Variants in RAPGEF5 observed in about 807,000 individuals in gnomAD.
RAPGEF5 encodes the protein M-Ras-regulated GEF.
Under a neutral mutation model 125.2 loss-of-function variants are expected in RAPGEF5, and 65 were observed. The observed-to-expected ratio is 0.52, with a 90% CI of 0.43 to 0.64. RAPGEF5 has a LOEUF of 0.64. Ranked by LOEUF, RAPGEF5 falls within the 30% of genes least tolerant of loss-of-function variation. The pLI is 0.00. For synonymous variants in RAPGEF5, 391 were observed against 385.9 expected, an observed-to-expected ratio of 1.01 and a Z score of -0.16; for missense variants, 958 against 1,048.1, an observed-to-expected ratio of 0.91 and a Z score of 1.19.
intron 19 of RAPGEF5, among the ~76,000 whole-genome samples, chr7:22,145,590 G>A (rs1033948385): frequency 6.6e-6 from 1 of 152,180 alleles, no homozygotes; most frequent in African/African-American, 2.4e-5. Flanking sequence ...TATTTGTTAA[G>A]GTGCACATCA....
intron 6 of RAPGEF5, among the ~76,000 whole-genome samples, chr7:22,276,682 T>C (rs1357917398): frequency 6.6e-6 from 1 of 152,222 alleles, no homozygotes; most frequent in African/African-American, 2.4e-5. Context: ...TCCAAAAGTC[T>C]AAAACAAGAG....
intron 11 of RAPGEF5, among the ~76,000 whole-genome samples, chr7:22,176,553 C>T (rs1784514932): frequency 6.6e-6 from 1 of 152,140 alleles, no homozygotes; most frequent in South Asian, 2.1e-4. Flanking sequence ...GAGATAGAGT[C>T]TTGCTCTGTC....
At chr7:22,130,960 T>C in intron 24 of RAPGEF5, 77 bp downstream of exon 24, 1 of 1,507,962 alleles carries the variant, frequency 6.6e-7, no homozygotes, top group Non-Finnish European at 8.9e-7. Flanking sequence ...ACTAAAACTA[T>C]TTATTTCCTA....
Position 22,119,568 on chromosome 7 carries a change from T to C in RAPGEF5, c.*2838A>G, listed in dbSNP as rs1045685393. On this transcript the variant is annotated 3_prime_UTR_variant, in exon 26 of 26. Transcript: ENST00000665637. This position sits in a 1 kb window ranked among gnomAD's most constrained non-coding sequence, Gnocchi z 4.1. ...CTACGGGGTCCTGCATTCTGCTGTC[T>C]TGTGCTAACTTCTAAGCAGGGCTAG... The C allele has an allele frequency of 6.6e-6, 1 of 152,230 alleles. No individual in the cohort carries two copies. Among genetic ancestry groups the C allele is most frequent in the Non-Finnish European group, 1.5e-5 (1 of 68,036 alleles). 9.4% of individuals were successfully genotyped at this position (152,230 alleles called of 1,614,324 possible).
chr7:22,164,041 C>T (rs1321693116), intron 12 of RAPGEF5, among the ~76,000 whole-genome samples: 2 of 152,036 alleles, frequency 1.3e-5, no homozygotes, highest in Non-Finnish European at 2.9e-5. Flanking sequence ...AATATAATAA[C>T]AATTTATCTA....
chr7:22,125,373 T>C (rs1230792822), intron 25 of RAPGEF5: 4 of 449,840 alleles, frequency 8.9e-6, no homozygotes, highest in Middle Eastern at 1.3e-3. Flanking sequence ...CTTCACAGCA[T>C]AAACTTGCTG....
intron 24 of RAPGEF5, among the ~76,000 whole-genome samples, chr7:22,126,297 G>A (rs905686156): frequency 1.3e-5 from 2 of 152,206 alleles, no homozygotes; most frequent in African/African-American, 2.4e-5. Context: ...CAGGGTATGT[G>A]TCACCTCCTC....
At chr7:22,328,286 T>C (rs1012496607) in intron 1 of RAPGEF5, among the ~76,000 whole-genome samples, 1 of 152,216 alleles carries the variant, frequency 6.6e-6, no homozygotes, top group South Asian at 2.1e-4. Flanking sequence ...CCATCAAGCA[T>C]CTTTTGGACA....
At chr7:22,354,071 G>GA (rs34691959) in intron 1 of RAPGEF5, among the ~76,000 whole-genome samples, 26,792 of 151,104 alleles carry the variant, frequency 0.18, 2,566 homozygotes, top group Non-Finnish European at 0.21. Flanking sequence ...CCCTGTCTCA[G>GA]AAAAAAAACA....
chr7:22,324,024 G>A (rs1217106019), intron 1 of RAPGEF5, among the ~76,000 whole-genome samples: 1 of 152,108 alleles, frequency 6.6e-6, no homozygotes, highest in Non-Finnish European at 1.5e-5. Flanking sequence ...ATTTGCATAA[G>A]TATCAAAGTA....
chr7:22,293,778 G>A (rs142167435), intron 5 of RAPGEF5, among the ~76,000 whole-genome samples: 9 of 152,232 alleles, frequency 5.9e-5, no homozygotes, highest in Admixed American at 3.9e-4. Context: ...AGGCAACAGC[G>A]GGAGAGCCTG....
chr7:22,340,299 G>A (rs78107872), intron 1 of RAPGEF5, among the ~76,000 whole-genome samples: 580 of 152,250 alleles, frequency 3.8e-3, no homozygotes, highest in Non-Finnish European at 5.9e-3. Context: ...CTCGGGAGAG[G>A]AGAACAAGAC....
intron 6 of RAPGEF5, among the ~76,000 whole-genome samples, chr7:22,290,885 C>G (rs1782919548): frequency 6.6e-6 from 1 of 151,944 alleles, no homozygotes; most frequent in Non-Finnish European, 1.5e-5. Context: ...CAGGTCACAA[C>G]TTTCCTAGGT....
chr7:22,262,446 T>C (rs1583528390), intron 7 of RAPGEF5, among the ~76,000 whole-genome samples: 1 of 152,318 alleles, frequency 6.6e-6, no homozygotes, highest in African/African-American at 2.4e-5. Context: ...GCAGGGAATC[T>C]GAGAGACTTT....
intron 7 of RAPGEF5, among the ~76,000 whole-genome samples, chr7:22,246,300 A>G (rs34167821): frequency 0.096 from 14,553 of 152,220 alleles, 792 homozygotes; most frequent in Middle Eastern, 0.12. Flanking sequence ...CAAAGCCAGA[A>G]GCCATCATAT....
At chr7:22,272,915 C>G (rs1255159987) in intron 6 of RAPGEF5, among the ~76,000 whole-genome samples, 1 of 152,092 alleles carries the variant, frequency 6.6e-6, no homozygotes, top group Admixed American at 6.5e-5. Flanking sequence ...TGCCACCATG[C>G]CCAGCTAATT....
In RAPGEF5 at chr7:22,291,233, T is replaced by G; in HGVS notation, c.689A>C (p.Gln230Pro). 1 of 1,542,968 alleles carries G rather than the reference T, an allele frequency of 6.5e-7. No individual in the cohort carries two copies. Among genetic ancestry groups the G allele is most frequent in the Non-Finnish European group, 8.7e-7 (1 of 1,148,814 alleles). ...GCTTTCTTCGGAGTCTTCAATTTTC[T>G]GATGAGACCTAAAAAAAAAAAAAAG... ...ARGGICELSH[Q>P]KIEDSEESSD... is the part of the protein sequence containing the mutation. The change falls in exon 6 of 26, where the codon CAG becomes CCG. Residue 230 changes from glutamine (Q) to proline (P), a missense_variant. Gln to Pro is a moderately conservative substitution (Grantham distance 76, BLOSUM62 -1). Coordinates refer to ENST00000665637, the MANE Select transcript of RAPGEF5 (RefSeq NM_012294.5).
intron 3 of RAPGEF5, among the ~76,000 whole-genome samples, 164 bp downstream of exon 3, chr7:22,315,206 A>C (rs1000154285): frequency 6.6e-6 from 1 of 152,204 alleles, no homozygotes; most frequent in African/African-American, 2.4e-5. Context: ...CAAATGCATG[A>C]CTAAGTTTAA....
chr7:22,216,454 T>C (rs143530394), intron 9 of RAPGEF5, among the ~76,000 whole-genome samples: 15 of 152,332 alleles, frequency 9.8e-5, no homozygotes, highest in Non-Finnish European at 1.3e-4. Flanking sequence ...TGGGTCCCTC[T>C]GCCTGAAATG....
Sources: allele counts gnomAD v4.1 joint callset (sites outside exome capture counted in the v4.1 genomes callset), GRCh38; gene constraint gnomAD v4.1.1; non-coding constraint Gnocchi (gnomAD v3.1); transcripts MANE v1.5; gene names NCBI Gene and HGNC (gene_info 2026-07-23, HGNC 2026-07-21).